The following ATP8B3 variants were observed in gnomAD, a reference collection of about 807,000 sequenced individuals.
ATP8B3 encodes phospholipid-transporting ATPase IK.
A neutral mutation model predicts 140.9 loss-of-function variants in ATP8B3; 141 were observed. The ratio of observed to expected loss-of-function variants is 1.00; its 90% CI spans 0.87 to 1.15. ATP8B3 has a LOEUF of 1.15. Among genes scored for constraint, ATP8B3 ranks in the 50% most tolerant of loss-of-function variants. The pLI is 0.00. For missense variants in ATP8B3, 1,874 were observed against 1,740.6 expected (o/e 1.08, Z -1.36); for synonymous variants, 765 against 714.6 (o/e 1.07, Z -1.13).
At chr19:1,801,607 C>G (rs2068847605) in intron 12 of ATP8B3, among the ~76,000 whole-genome samples, 1 of 151,978 alleles carries the variant, frequency 6.6e-6, no homozygotes. Context: ...AAAAAATTAG[C>G]CAGGCGTGGC....
chr19:1,798,424 A>T (rs2068744974), intron 14 of ATP8B3, among the ~76,000 whole-genome samples: 2 of 152,038 alleles, frequency 1.3e-5, no homozygotes, highest in Non-Finnish European at 2.9e-5. Context: ...GTCAGGAAAA[A>T]AAATGACTAG....
chr19:1,796,265 T>A lies in ATP8B3; in HGVS notation c.1754A>T (p.Asp585Val). The A allele has an allele frequency of 6.2e-7, 1 of 1,606,508 alleles. No homozygotes were observed. The highest frequency in any genetic ancestry group is 8.5e-7 in the Non-Finnish European group (1 of 1,177,768). ...GGAGGCCGCCTGGTACAACAGCTGG[T>A]CTGGTAGGGAGGGGGGCCATTTTGG... is the stretch of plus-strand genomic sequence containing the variant. ...MVRESPRERP[D>V]QLLYQAASPD... The change falls in exon 17 of 29, where the codon GAC becomes GTC. Residue 585 changes from aspartate to valine, a missense_variant and splice_region_variant. Coordinates refer to ENST00000310127, the MANE Select transcript of ATP8B3 (RefSeq NM_138813.4).
In ATP8B3 at chr19:1,785,360, CT is replaced by C. The variant is rs910764200; in HGVS notation, c.3394-64del. On this transcript the variant is annotated intron_variant, in intron 26 of 28. Transcript: ENST00000310127. ...GGGGCTTGCACCAGGACACCAGCCC[CT>C]GGGGTCCAGGAAGGGCACCTGGCAA... 8 of 1,552,260 alleles carry C rather than the reference CT, an allele frequency of 5.2e-6. No individual in the cohort carries two copies. The African/African-American group carries it at 9.5e-5, about 18-fold the overall frequency.
Position 1,782,439 on chromosome 19 carries a change from G to A in ATP8B3, c.*589C>T, listed in dbSNP as rs1270209903. 1 of 212,972 alleles carries A rather than the reference G, an allele frequency of 4.7e-6. No individual in the cohort carries two copies. Among genetic ancestry groups the A allele is most frequent in the Non-Finnish European group, 9.2e-6 (1 of 108,500 alleles). The allele number at this position is 212,972 out of a possible 1,614,324, so 13.2% of individuals were successfully genotyped here. A position where few individuals can be genotyped will look rare whatever the true frequency, so the allele number is the denominator to read the frequency against. ...GGCCACAGCTCCACCTCCATAGGCT[G>A]CTCGCTCGTGGACGTGGACGATTCT... On this transcript the variant is annotated 3_prime_UTR_variant, in exon 29 of 29. Coordinates refer to ENST00000310127, the MANE Select transcript of ATP8B3 (RefSeq NM_138813.4).
At chr19:1,804,725 G>C (rs1049745116) in intron 10 of ATP8B3, among the ~76,000 whole-genome samples, 3 of 152,144 alleles carry the variant, frequency 2.0e-5, no homozygotes, top group African/African-American at 7.2e-5. Flanking sequence ...AGAAACGCTT[G>C]AACCTGGGAG....
At position 1,788,979 on chromosome 19, in the gene ATP8B3, A is replaced by C; in HGVS notation, c.2987T>G (p.Phe996Cys). Residue 996 changes from phenylalanine (F) to cysteine (C), a missense_variant, in exon 24 of 29, where the codon TTC (phenylalanine) becomes TGC (cysteine). Coordinates refer to ENST00000310127, the MANE Select transcript of ATP8B3 (RefSeq NM_138813.4). ...GRWSYVRICK[F>C]LRYFFYKSMA... Reference sequence around the variant, plus strand: ...GCTCTTGTAGAAGAAGTAGCGCAGGAACTTGCAGATCCGCACGTAGGACCA... The same window carrying C: ...GCTCTTGTAGAAGAAGTAGCGCAGGCACTTGCAGATCCGCACGTAGGACCA... The C allele has an allele frequency of 6.2e-7, 1 of 1,610,446 alleles. No homozygotes were observed. Among genetic ancestry groups the C allele is most frequent in the Non-Finnish European group, 8.5e-7 (1 of 1,178,764 alleles).
intron 27 of ATP8B3, 102 bp from the exon 28 acceptor site, chr19:1,785,048 C>A (rs1282739461): frequency 1.1e-5 from 16 of 1,493,786 alleles, no homozygotes; most frequent in East Asian, 2.4e-5. Context: ...CATAAAGGAG[C>A]GCCTTCCCCA....
Position 1,805,403 on chromosome 19 carries a change from G to C in ATP8B3, c.875C>G (p.Ala292Gly). The change falls in exon 10 of 29, where the codon GCC (alanine) becomes GGC (glycine). Residue 292 changes from alanine to glycine, a missense_variant. Coordinates refer to ENST00000310127, the MANE Select transcript of ATP8B3 (RefSeq NM_138813.4). The surrounding 1 kb of genome is among the most constrained non-coding windows in gnomAD (Gnocchi z 5.2). ...QALMVTHKEL[A>G]TIKKMASFQG... is the part of the protein sequence containing the mutation. ...AAAGGACGCCATCTTCTTTATAGTG[G>C]CCAGTTCTTTGTGGGTGACCATCAG... 4 of 1,569,030 alleles carry C rather than the reference G, an allele frequency of 2.5e-6. No homozygotes were observed. The highest frequency in any genetic ancestry group is 3.5e-6 in the Non-Finnish European group (4 of 1,154,792).
At chr19:1,791,680 T>A in intron 20 of ATP8B3, 70 bp downstream of exon 20, 1 of 1,255,174 alleles carries the variant, frequency 8.0e-7, no homozygotes, top group Non-Finnish European at 1.1e-6. Context: ...GGTGTGAGCC[T>A]TCAAACTTCA....
At position 1,802,061 on chromosome 19, in the gene ATP8B3, A is replaced by G. The variant is rs1479882365; in HGVS notation, c.1064-17T>C. 1 of 1,565,738 alleles carries G rather than the reference A, an allele frequency of 6.4e-7. No individual in the cohort carries two copies. Among genetic ancestry groups the G allele is most frequent in the Non-Finnish European group, 8.6e-7 (1 of 1,156,748 alleles). On this transcript the variant is annotated splice_polypyrimidine_tract_variant and intron_variant, in intron 11 of 28. Transcript: ENST00000310127. The stretch of plus-strand genomic sequence containing the variant: ...TGTCAAAACCTACAAACATGTATCC[A>G]TCTATCCACCCACCCACCCACCCAT...
chr19:1,793,634 G>A (rs919348768), intron 18 of ATP8B3, among the ~76,000 whole-genome samples: 14 of 152,334 alleles, frequency 9.2e-5, no homozygotes, highest in East Asian at 3.9e-4. Flanking sequence ...AAGGGTGGTC[G>A]GGGGGTCCCC....
At chr19:1,791,910 G>T (rs1302427848) in intron 19 of ATP8B3, 49 bp from the exon 20 acceptor site, 10 of 1,604,154 alleles carry the variant, frequency 6.2e-6, no homozygotes, top group Non-Finnish European at 8.5e-6. Flanking sequence ...CAGCCGTCCA[G>T]CTCCCTGGCG....
rs1304318187 is a variant in ATP8B3, at chr19:1,796,104, T to G, written c.1915A>C (p.Ser639Arg). Residue 639 changes from serine to arginine, a missense_variant, in exon 17 of 29, where the codon AGC becomes CGC. Ser to Arg is a moderately radical substitution (Grantham distance 110). This residue lies in a region of ATP8B3 where 1,032 missense variants were observed against 963.6 expected (regional missense o/e 1.07). Coordinates refer to ENST00000310127, the MANE Select transcript of ATP8B3 (RefSeq NM_138813.4). ...YQVLAIMDFN[S>R]TRKRMSVLVR... is the part of the protein sequence containing the mutation. ...AGCACCGACATCCGTTTGCGCGTGC[T>G]GTTGAAGTCCATTATGGCCAGGACC... The G allele has an allele frequency of 5.6e-6, 9 of 1,612,998 alleles. No homozygotes were observed. The highest frequency in any genetic ancestry group is 7.6e-6 in the Non-Finnish European group (9 of 1,179,834).
At position 1,785,728 on chromosome 19, in the gene ATP8B3, CTTGGGATTGGGTGGGGGG is replaced by C; in HGVS notation, c.3154-38_3154-21del. On this transcript the variant is annotated intron_variant, in intron 25 of 28. Coordinates refer to ENST00000310127, the MANE Select transcript of ATP8B3 (RefSeq NM_138813.4). ...CACGTCCTTGGGGCAAGCAGAAGCT[CTTGGGATTGGGTGGGGGG>C]CGGGGGACACCCAACAGAGATCAGG... The C allele has an allele frequency of 5.2e-6, 8 of 1,533,226 alleles. No individual in the cohort carries two copies. Among genetic ancestry groups the C allele is most frequent in the East Asian group, 2.5e-5 (1 of 40,754 alleles). 95.0% of individuals were successfully genotyped at this position (1,533,226 alleles called of 1,614,324 possible).
In ATP8B3 at chr19:1,789,368, C is replaced by T. The variant is rs781296667; in HGVS notation, c.2838G>A (p.Met946Ile). ...AIGDGANDIN[M>I]IKTADVGVGL... ...CCCGCCGCCGCCACCCACTCTTGATCATGTTGATGTCGTTGGCACCGTCCC... is the reference window on the plus strand; with the variant it reads ...CCCGCCGCCGCCACCCACTCTTGATTATGTTGATGTCGTTGGCACCGTCCC... The change falls in exon 23 of 29, where the codon ATG becomes ATA. Residue 946 changes from methionine (M) to isoleucine (I), a missense_variant. Transcript: ENST00000310127. 12 of 1,551,598 alleles carry T rather than the reference C, an allele frequency of 7.7e-6. No individual in the cohort carries two copies. Among genetic ancestry groups the T allele is most frequent in the Non-Finnish European group, 1.0e-5 (12 of 1,150,526 alleles).
Position 1,805,404 on chromosome 19 carries a change from C to T in ATP8B3, c.874G>A (p.Ala292Thr), listed in dbSNP as rs1337835705. The change falls in exon 10 of 29, where the codon GCC becomes ACC. Residue 292 changes from alanine (A) to threonine (T), a missense_variant. By Grantham distance (58) the Ala-to-Thr change is moderately conservative (BLOSUM62 0). This residue lies in a region of ATP8B3 where 1,032 missense variants were observed against 963.6 expected (regional missense o/e 1.07). Coordinates refer to ENST00000310127, the MANE Select transcript of ATP8B3 (RefSeq NM_138813.4). This position sits in a 1 kb window ranked among gnomAD's most constrained non-coding sequence, Gnocchi z 5.2. The part of the protein sequence containing the change: ...QALMVTHKEL[A>T]TIKKMASFQG... ...AAGGACGCCATCTTCTTTATAGTGG[C>T]CAGTTCTTTGTGGGTGACCATCAGG... 3 of 1,568,908 alleles carry T rather than the reference C, an allele frequency of 1.9e-6. No homozygotes were observed. In the Admixed American group the frequency reaches 5.6e-5, roughly 29 times the overall value.
chr19:1,811,403 G>A, intron 2 of ATP8B3, 86 bp downstream of exon 2: 1 of 1,493,624 alleles, frequency 6.7e-7, no homozygotes, highest in Non-Finnish European at 8.9e-7. Context: ...CCAGCAACTG[G>A]CCCCCCACCT....
chr19:1,802,623 A>T lies in ATP8B3; in HGVS notation c.927T>A (p.Pro309=), dbSNP rs2068891390. 1 of 1,611,062 alleles carries T rather than the reference A, an allele frequency of 6.2e-7. No homozygotes were observed. Among genetic ancestry groups the T allele is most frequent in the African/African-American group, 1.3e-5 (1 of 74,832 alleles). Residue 309 remains proline, a synonymous_variant, in exon 11 of 29, where the codon CCT becomes CCA. Transcript: ENST00000310127. ...CCACGAAGTGGTGCATCCGACTGTT[A>T]GGCGCCTCACACGTCACTGTGCCTG... ...SFQGTVTCEA[P]NSRMHHFVGC... is the part of the protein sequence containing the mutation.
rs368560840 is a variant in ATP8B3 at position 1,800,398 on chromosome 19, A to C, written c.1204T>G (p.Phe402Val). 3.2e-5 allele frequency: 51 copies of C among 1,612,592 alleles called. No individual in the cohort carries two copies. Among genetic ancestry groups the C allele is most frequent in the Non-Finnish European group, 3.3e-5 (39 of 1,179,806 alleles). Residue 402 changes from phenylalanine to valine, a missense_variant, in exon 13 of 29, where the codon TTC (phenylalanine) becomes GTC (valine). This residue lies in a region of ATP8B3 where 1,032 missense variants were observed against 963.6 expected (regional missense o/e 1.07). Coordinates refer to ENST00000310127, the MANE Select transcript of ATP8B3 (RefSeq NM_138813.4). This position sits in a 1 kb window ranked among gnomAD's most constrained non-coding sequence, Gnocchi z 4.4. ...VCLVLAFGFG[F>V]SVKEFKDHHY... Reference sequence around the variant, plus strand: ...TGGTCTTTGAATTCTTTGACTGAGAAACCGAAGCCGAAGGCCAACACCAGG... The same window carrying C: ...TGGTCTTTGAATTCTTTGACTGAGACACCGAAGCCGAAGGCCAACACCAGG...
Sources: allele counts gnomAD v4.1 joint callset (sites outside exome capture counted in the v4.1 genomes callset), GRCh38; gene constraint gnomAD v4.1.1; regional missense constraint gnomAD v4.1.1; non-coding constraint Gnocchi (gnomAD v3.1); transcripts MANE v1.5; gene names NCBI Gene and HGNC (gene_info 2026-07-23, HGNC 2026-07-21).